TMEM236: variants seen among roughly 807,000 people sequenced by gnomAD.
TMEM236 encodes transmembrane protein 236.
A neutral mutation model predicts 14.7 loss-of-function variants in TMEM236; 11 were observed. That is an observed-to-expected ratio of 0.75 (90% confidence interval 0.47 to 1.24). The LOEUF (loss-of-function observed/expected upper bound fraction) is 1.24, where lower values mean the gene tolerates loss of function less well. TMEM236 is among the 50% of genes most tolerant of loss of function. TMEM236 has a pLI of 0.00. For missense variants in TMEM236, 464 were observed against 427.3 expected (o/e 1.09, Z -0.76); for synonymous variants, 182 against 168.6 (o/e 1.08, Z -0.62).
Position 17,798,480 on chromosome 10 carries a change from A to G in TMEM236, c.*1976A>G. On this transcript the variant is annotated 3_prime_UTR_variant, in exon 4 of 4. Transcript: ENST00000377495. ...CTTGAGCCCAGGAGGTCAAGGCTAC[A>G]GTGAGCTATGATCATGCCACTGCAC... is the stretch of plus-strand genomic sequence containing the variant. 2 of 505,420 alleles carry G rather than the reference A, an allele frequency of 4.0e-6. No homozygotes were observed. The highest frequency in any genetic ancestry group is 3.0e-5 in the South Asian group (2 of 66,356). The allele number at this position is 505,420 out of a possible 1,614,324, so 31.3% of individuals were successfully genotyped here.
At chr10:17,763,718 A>G (rs1345220106) in intron 1 of TMEM236, among the ~76,000 whole-genome samples, 1 of 152,188 alleles carries the variant, frequency 6.6e-6, no homozygotes, top group Non-Finnish European at 1.5e-5. Flanking sequence ...ATGAGTTGAT[A>G]TAGTGAATTA....
chr10:17,780,937 T>A (rs996776357), intron 3 of TMEM236, among the ~76,000 whole-genome samples: 32 of 152,202 alleles, frequency 2.1e-4, no homozygotes, highest in African/African-American at 7.7e-4. Flanking sequence ...TTGGTTGGAC[T>A]GGGTGTGATG....
At chr10:17,775,175 T>C (rs1161256362) in intron 2 of TMEM236, among the ~76,000 whole-genome samples, 7 of 152,214 alleles carry the variant, frequency 4.6e-5, no homozygotes, top group African/African-American at 1.7e-4. Flanking sequence ...GAAGTGGCCA[T>C]GGTGGCATCT....
At position 17,796,315 on chromosome 10, in the gene TMEM236, C is replaced by T; in HGVS notation, c.867C>T (p.Leu289=). The change falls in exon 4 of 4, where the codon CTC becomes CTT. Residue 289 remains leucine, a synonymous_variant. Coordinates refer to ENST00000377495, the MANE Select transcript of TMEM236 (RefSeq NM_001098844.3). The stretch of plus-strand genomic sequence containing the variant: ...CATTCACTCCCCAAAACCCTCTTCT[C>T]AATTCCCTGAGCGTCCTGCTGCAAG... ...RITFTPQNPL[L]NSLSVLLQDL... is the part of the protein sequence containing the mutation. 3 of 1,613,984 alleles carry T rather than the reference C, an allele frequency of 1.9e-6. No individual in the cohort carries two copies. Among genetic ancestry groups the T allele is most frequent in the Admixed American group, 3.3e-5 (2 of 60,012 alleles).
At chr10:17,764,522 C>A (rs1837429326) in intron 1 of TMEM236, among the ~76,000 whole-genome samples, 1 of 152,050 alleles carries the variant, frequency 6.6e-6, no homozygotes, top group African/African-American at 2.4e-5. Flanking sequence ...GTAGTACTTC[C>A]TAGGACTGCT....
At chr10:17,759,299 G>T (rs886855731) in intron 1 of TMEM236, among the ~76,000 whole-genome samples, 2 of 152,192 alleles carry the variant, frequency 1.3e-5, no homozygotes, top group Admixed American at 1.3e-4. Context: ...CATTGAGAAG[G>T]TACATTGGCA....
At chr10:17,762,574 CATATATATATATATATATATATATATAT>C (rs878958449) in intron 1 of TMEM236, among the ~76,000 whole-genome samples, 60 of 53,064 alleles carry the variant, frequency 1.1e-3, no homozygotes, top group African/African-American at 2.7e-3. Context: ...ATCTGAATTT[CATATATATATATATATATATATATATAT>C]ATATATATAT....
At chr10:17,787,515 G>A (rs1357985897) in intron 3 of TMEM236, among the ~76,000 whole-genome samples, 16 of 152,318 alleles carry the variant, frequency 1.1e-4, no homozygotes, top group African/African-American at 3.4e-4. Context: ...GTCAATGGCT[G>A]GGCCGAGCTT....
At chr10:17,790,348 C>G (rs1837906425) in intron 3 of TMEM236, among the ~76,000 whole-genome samples, 1 of 152,156 alleles carries the variant, frequency 6.6e-6, no homozygotes, top group African/African-American at 2.4e-5. Flanking sequence ...TTGATTGTTG[C>G]GTCTTCCACA....
chr10:17,756,459 C>T (rs1413679129), intron 1 of TMEM236, among the ~76,000 whole-genome samples: 1 of 152,060 alleles, frequency 6.6e-6, no homozygotes, highest in Non-Finnish European at 1.5e-5. Flanking sequence ...CCACACCCGA[C>T]TAATTTTTGT....
At chr10:17,755,343 A>G (rs1473751168) in intron 1 of TMEM236, among the ~76,000 whole-genome samples, 1 of 152,140 alleles carries the variant, frequency 6.6e-6, no homozygotes, top group Non-Finnish European at 1.5e-5. Flanking sequence ...AAATGTAAAA[A>G]TAATAGACTC....
rs1297832933 is a variant in TMEM236 at position 17,796,413 on chromosome 10, G to A, written c.965G>A (p.Cys322Tyr). 4.3e-6 allele frequency: 7 copies of A among 1,613,668 alleles called. No homozygotes were observed. In the East Asian group the frequency reaches 1.6e-4, roughly 36 times the overall value. ...LGTITPVLGL[C>Y]KNILVTLSYI... ...ACTATCACACCCGTACTGGGCCTGT[G>A]TAAAAATATCCTCGTGACTCTCTCT... Residue 322 changes from cysteine to tyrosine, a missense_variant, in exon 4 of 4, where the codon TGT becomes TAT. By Grantham distance (194) the Cys-to-Tyr change is radical. Transcript: ENST00000377495.
intron 2 of TMEM236, among the ~76,000 whole-genome samples, chr10:17,775,199 G>C (rs896075195): frequency 1.3e-5 from 2 of 152,126 alleles, no homozygotes; most frequent in Non-Finnish European, 2.9e-5. Context: ...TCTTATTCCT[G>C]ATTTCAGAGG....
chr10:17,776,759 A>G (rs1468873032), intron 3 of TMEM236, among the ~76,000 whole-genome samples: 1 of 152,312 alleles, frequency 6.6e-6, no homozygotes, highest in Non-Finnish European at 1.5e-5. Flanking sequence ...ACATAGCAAG[A>G]CACCATCCCT....
chr10:17,796,250 C>G lies in TMEM236; in HGVS notation c.802C>G (p.Pro268Ala). Residue 268 changes from proline (P) to alanine (A), a missense_variant, in exon 4 of 4, where the codon CCA (proline) becomes GCA (alanine). Pro to Ala is a conservative substitution (Grantham distance 27). Coordinates refer to ENST00000377495, the MANE Select transcript of TMEM236 (RefSeq NM_001098844.3). The stretch of plus-strand genomic sequence containing the variant: ...CGTGTACAAGTCAAGCTGGCTATAC[C>G]CAGTCTACATATTCAGTTTTATTTC... Reference protein sequence around the residue: ...PNVYKSSWLYPVYIFSFISLL... With the variant: ...PNVYKSSWLYAVYIFSFISLL... 6.2e-7 allele frequency: 1 copy of G among 1,613,892 alleles called. No individual in the cohort carries two copies. The highest frequency in any genetic ancestry group is 8.5e-7 in the Non-Finnish European group (1 of 1,179,866).
At chr10:17,756,071 AGCCTG>A (rs1472999889) in intron 1 of TMEM236, among the ~76,000 whole-genome samples, 2 of 152,176 alleles carry the variant, frequency 1.3e-5, no homozygotes, top group African/African-American at 4.8e-5. Context: ...GTTAGAGATC[AGCCTG>A]GGCAACATAG....
rs1452623626 is a variant in TMEM236 at position 17,794,893 on chromosome 10, T to C, written c.473-1028T>C. 4.6e-5 allele frequency among the ~76,000 whole-genome samples: 7 copies of C among 152,176 alleles called. No individual in the cohort carries two copies. The East Asian group carries it at 1.4e-3, about 29-fold the overall frequency. ...TCTACTAAAAGTTAGCCAGGCATGG[T>C]GGTGTGCACCTGTAATCCCAGCTAC... is the stretch of plus-strand genomic sequence containing the variant. On this transcript the variant is annotated intron_variant, in intron 3 of 3. Transcript: ENST00000377495.
chr10:17,784,158 C>T (rs1364318083), intron 3 of TMEM236, among the ~76,000 whole-genome samples: 1 of 152,044 alleles, frequency 6.6e-6, no homozygotes, highest in Non-Finnish European at 1.5e-5. Flanking sequence ...TTTTTCACTA[C>T]AAGTAAAAAT....
At chr10:17,782,152 G>C (rs1317177403) in intron 3 of TMEM236, among the ~76,000 whole-genome samples, 1 of 151,970 alleles carries the variant, frequency 6.6e-6, no homozygotes, top group African/African-American at 2.4e-5. Flanking sequence ...CGTCTTGGTG[G>C]GGTACAAACT....
Sources: allele counts gnomAD v4.1 joint callset (sites outside exome capture counted in the v4.1 genomes callset), GRCh38; gene constraint gnomAD v4.1.1; transcripts MANE v1.5; gene names NCBI Gene and HGNC (gene_info 2026-07-23, HGNC 2026-07-21).